Variants in DDX31 observed in about 807,000 individuals in gnomAD.
The protein encoded by DDX31 is DEAD-box helicase 31, also known as ATP-dependent DNA helicase DDX31.
Under a neutral mutation model 91.3 loss-of-function variants are expected in DDX31, and 70 were observed. That is an observed-to-expected ratio of 0.77 (90% confidence interval 0.63 to 0.94). The LOEUF is 0.94. Ranked by LOEUF, DDX31 falls within the 40% of genes least tolerant of loss-of-function variation. The pLI, the probability that DDX31 is intolerant of heterozygous loss-of-function variation, is 0.00. For synonymous variants in DDX31, 362 were observed against 350.6 expected (o/e 1.03, Z -0.36); for missense variants, 902 against 925.0 (o/e 0.98, Z 0.32).
At position 132,632,214 on chromosome 9, in the gene DDX31, G is replaced by C. The variant is rs1489744421; in HGVS notation, c.1441-123C>G. The stretch of plus-strand genomic sequence containing the variant: ...CCCGCCCACAGTACATGCACATTCG[G>C]GCATACACGTATATGCCCAGTACGT... On this transcript the variant is annotated intron_variant, in intron 14 of 19. Coordinates refer to ENST00000372159, the MANE Select transcript of DDX31 (RefSeq NM_022779.9). The C allele has an allele frequency of 1.9e-5, 7 of 359,508 alleles. No homozygotes were observed. In the East Asian group the frequency reaches 2.6e-4, roughly 13 times the overall value. 22.3% of individuals were successfully genotyped at this position (359,508 alleles called of 1,614,324 possible).
chr9:132,631,963 T>A, intron 15 of DDX31, 78 bp downstream of exon 15: 1 of 1,292,862 alleles, frequency 7.7e-7, no homozygotes, highest in Non-Finnish European at 1.1e-6. Flanking sequence ...ATAATAATTA[T>A]TCTACTTAAA....
At chr9:132,650,929 C>A in intron 8 of DDX31, 146 bp downstream of exon 8, 1 of 789,740 alleles carries the variant, frequency 1.3e-6, no homozygotes, top group Non-Finnish European at 2.0e-6. Context: ...TCAGTAAAAA[C>A]CTATAAACTG....
chr9:132,652,719 G>A (rs1400938319), intron 6 of DDX31, among the ~76,000 whole-genome samples: 1 of 152,124 alleles, frequency 6.6e-6, no homozygotes, highest in Non-Finnish European at 1.5e-5. Context: ...GGGCAGGGGG[G>A]CAGGAGTGAG....
intron 16 of DDX31, among the ~76,000 whole-genome samples, chr9:132,628,946 C>T (rs923426210): frequency 2.6e-5 from 4 of 152,376 alleles, no homozygotes; most frequent in Admixed American, 2.6e-4. Flanking sequence ...GGGCTCCCAG[C>T]CTGTGAGAAC....
At position 132,632,241 on chromosome 9, in the gene DDX31, TACAC is replaced by T. The variant is rs57020423; in HGVS notation, c.1441-154_1441-151del. On this transcript the variant is annotated intron_variant, in intron 14 of 19. Coordinates refer to ENST00000372159, the MANE Select transcript of DDX31 (RefSeq NM_022779.9). ...CATACACGTATATGCCCAGTACGTG[TACAC>T]ACACACACACACACACACACACACA... The T allele has an allele frequency of 5.3e-3, 501 of 94,000 alleles. 8 individuals are homozygous for T. The highest frequency in any genetic ancestry group is 8.3e-3 in the East Asian group (16 of 1,926). 5.8% of individuals were successfully genotyped at this position (94,000 alleles called of 1,614,324 possible). A position where few individuals can be genotyped will look rare whatever the true frequency, so the allele number is the denominator to read the frequency against.
At chr9:132,601,550 C>A (rs971658369) in intron 19 of DDX31, among the ~76,000 whole-genome samples, 1 of 152,150 alleles carries the variant, frequency 6.6e-6, no homozygotes, top group African/African-American at 2.4e-5. Context: ...TCAGTGGAGC[C>A]GCCATCCCTG....
chr9:132,655,265 G>GTACA (rs5900986), intron 6 of DDX31, among the ~76,000 whole-genome samples: 1 of 151,654 alleles, frequency 6.6e-6, no homozygotes, highest in South Asian at 2.1e-4. Flanking sequence ...GTAATTCACG[G>GTACA]TACATACATA....
intron 19 of DDX31, among the ~76,000 whole-genome samples, chr9:132,602,567 C>T (rs990098863): frequency 6.6e-6 from 1 of 152,166 alleles, no homozygotes; most frequent in African/African-American, 2.4e-5. Flanking sequence ...AGCACTGTAC[C>T]GTTCTGCTTC....
Position 132,661,268 on chromosome 9 carries a change from A to G in DDX31, c.409-17T>C, listed in dbSNP as rs1329309599. The G allele has an allele frequency of 4.5e-6, 7 of 1,570,604 alleles. No homozygotes were observed. Among genetic ancestry groups the G allele is most frequent in the Middle Eastern group, 1.7e-4 (1 of 5,944 alleles). On this transcript the variant is annotated splice_polypyrimidine_tract_variant and intron_variant, in intron 3 of 19. Transcript: ENST00000372159. ...TGTGGAAATCTAAAAGAGGAGATGA[A>G]AAAGCTTTAATTAATATTTTGATAC...
At position 132,652,850 on chromosome 9, in the gene DDX31, T is replaced by C. The variant is rs368211657; in HGVS notation, c.589-358A>G. 2.0e-4 allele frequency among the ~76,000 whole-genome samples: 31 copies of C among 152,312 alleles called. 1 individual carries two copies. In the South Asian group the frequency reaches 2.9e-3, roughly 14 times the overall value. On this transcript the variant is annotated intron_variant, in intron 6 of 19. Transcript: ENST00000372159. ...TCCTCATTCTCTCTTGCTGCTGCCA[T>C]GTAAGAAATGTCTTTCGTCCTCTGC...
At chr9:132,602,810 C>G (rs1452010547) in intron 19 of DDX31, among the ~76,000 whole-genome samples, 1 of 152,206 alleles carries the variant, frequency 6.6e-6, no homozygotes, top group African/African-American at 2.4e-5. Flanking sequence ...AGTTTCAAAC[C>G]AAATTCTTCC....
intron 19 of DDX31, among the ~76,000 whole-genome samples, chr9:132,602,915 A>G (rs1830794896): frequency 2.6e-5 from 4 of 152,188 alleles, no homozygotes; most frequent in Non-Finnish European, 5.9e-5. Context: ...ATTTCACCCA[A>G]TACAGATTCT....
chr9:132,664,005 G>A (rs1835149007), intron 1 of DDX31, among the ~76,000 whole-genome samples: 1 of 152,086 alleles, frequency 6.6e-6, no homozygotes, highest in South Asian at 2.1e-4. Flanking sequence ...GGCCACTCCC[G>A]CCATACATGG....
At chr9:132,647,124 A>AC in intron 11 of DDX31, 66 bp from the exon 12 acceptor site, 1 of 1,441,778 alleles carries the variant, frequency 6.9e-7, no homozygotes. Flanking sequence ...ACAAAAGCGT[A>AC]CCCCCATACA....
Position 132,594,620 on chromosome 9 carries a change from A to T in DDX31, c.*246T>A. The T allele has an allele frequency of 2.0e-6, 1 of 494,802 alleles. No individual in the cohort carries two copies. Among genetic ancestry groups the T allele is most frequent in the Non-Finnish European group, 3.4e-6 (1 of 290,806 alleles). 30.7% of individuals were successfully genotyped at this position (494,802 alleles called of 1,614,324 possible). On this transcript the variant is annotated 3_prime_UTR_variant, in exon 20 of 20. Transcript: ENST00000372159. ...GAAGGGAGTGCCGGGCACTGATGGG[A>T]TCAATACAAGACACAGACCCCTTCC...
intron 6 of DDX31, chr9:132,658,368 A>C (rs1255943039): frequency 1.4e-6 from 1 of 703,116 alleles, no homozygotes; most frequent in Admixed American, 2.0e-5. Context: ...CCTATAACAC[A>C]GTGGGGGAGA....
In DDX31 at chr9:132,593,195, C is replaced by T. The variant is rs958748064; in HGVS notation, c.*1671G>A. 2.6e-5 allele frequency: 4 copies of T among 152,192 alleles called. No homozygotes were observed. The highest frequency in any genetic ancestry group is 4.1e-4 in the South Asian group (2 of 4,830). 9.4% of individuals were successfully genotyped at this position (152,192 alleles called of 1,614,324 possible). Reference sequence around the variant, plus strand: ...GTGTAAGTTTTGATCTTGGAATTATCGTCACTCACACGTTGCATGATTCTA... The same window carrying T: ...GTGTAAGTTTTGATCTTGGAATTATTGTCACTCACACGTTGCATGATTCTA... On this transcript the variant is annotated 3_prime_UTR_variant, in exon 20 of 20. Transcript: ENST00000372159.
intron 19 of DDX31, among the ~76,000 whole-genome samples, chr9:132,600,588 A>AC (rs1158148633): frequency 6.6e-6 from 1 of 152,210 alleles, no homozygotes; most frequent in Admixed American, 6.5e-5. Flanking sequence ...AAGGCCATGC[A>AC]CATGATGGGA....
chr9:132,669,284 C>A (rs938579981), intron 1 of DDX31, among the ~76,000 whole-genome samples: 11 of 119,422 alleles, frequency 9.2e-5, no homozygotes, highest in Middle Eastern at 0.021. Flanking sequence ...CTTTGCAAAG[C>A]CATTTCAAAA....
Sources: allele counts gnomAD v4.1 joint callset (sites outside exome capture counted in the v4.1 genomes callset), GRCh38; gene constraint gnomAD v4.1.1; transcripts MANE v1.5; gene names NCBI Gene and HGNC (gene_info 2026-07-23, HGNC 2026-07-21).